Variants in ST6GALNAC3 observed in about 807,000 individuals in gnomAD.
The protein encoded by ST6GALNAC3 is alpha-N-acetylgalactosaminide alpha-2,6-sialyltransferase 3.
In ST6GALNAC3, 25 loss-of-function variants were observed where a neutral mutation model predicts 32.7. The ratio of observed to expected loss-of-function variants is 0.76; its 90% CI spans 0.56 to 1.07. The LOEUF is 1.07. Among genes scored for constraint, ST6GALNAC3 ranks in the 50% least tolerant of loss-of-function variants. ST6GALNAC3 has a pLI of 0.00. For synonymous variants in ST6GALNAC3, 129 were observed against 133.1 expected, an observed-to-expected ratio of 0.97 and a Z score of 0.21; for missense variants, 355 against 382.4, an observed-to-expected ratio of 0.93 and a Z score of 0.60.
chr1:76,144,238 C>G (rs1172267678), intron 1 of ST6GALNAC3, among the ~76,000 whole-genome samples: 2 of 152,056 alleles, frequency 1.3e-5, no homozygotes, highest in African/African-American at 4.8e-5. Context: ...GGAGAAAGGT[C>G]AAGGAGCTCG....
At chr1:76,207,295 G>A (rs186165975) in intron 1 of ST6GALNAC3, among the ~76,000 whole-genome samples, 2 of 152,190 alleles carry the variant, frequency 1.3e-5, no homozygotes, top group African/African-American at 2.4e-5. Context: ...TGCTAGGCTC[G>A]CCTGCCTGTG....
At chr1:76,188,748 C>G (rs905365532) in intron 1 of ST6GALNAC3, among the ~76,000 whole-genome samples, 5 of 152,168 alleles carry the variant, frequency 3.3e-5, no homozygotes, top group African/African-American at 4.8e-5. Context: ...AAAATGAATT[C>G]ATTATTCATT....
At chr1:76,388,592 A>G (rs1305930566) in intron 2 of ST6GALNAC3, among the ~76,000 whole-genome samples, 2 of 152,086 alleles carry the variant, frequency 1.3e-5, no homozygotes, top group Non-Finnish European at 2.9e-5. Context: ...TTTATTTGCT[A>G]TCTATTTTTT....
intron 3 of ST6GALNAC3, among the ~76,000 whole-genome samples, chr1:76,519,812 T>G (rs1216090190): frequency 2.0e-5 from 3 of 151,756 alleles, no homozygotes; most frequent in Non-Finnish European, 4.4e-5. Context: ...CCAAGGATTC[T>G]GCCCATTAAT....
chr1:76,293,313 T>A (rs1439525980), intron 1 of ST6GALNAC3, among the ~76,000 whole-genome samples: 1 of 152,236 alleles, frequency 6.6e-6, no homozygotes, highest in Non-Finnish European at 1.5e-5. Context: ...AGTACTGGCA[T>A]CAGAAAAACA....
intron 3 of ST6GALNAC3, among the ~76,000 whole-genome samples, chr1:76,551,181 C>T (rs1430325872): frequency 1.3e-5 from 2 of 152,132 alleles, no homozygotes; most frequent in Admixed American, 1.3e-4. Context: ...CACTTCTACC[C>T]TTTCTTCTTC....
chr1:76,218,485 C>T (rs1395633433), intron 1 of ST6GALNAC3, among the ~76,000 whole-genome samples: 1 of 152,186 alleles, frequency 6.6e-6, no homozygotes, highest in African/African-American at 2.4e-5. Flanking sequence ...GTGAGGATAA[C>T]TATATCTACT....
At chr1:76,574,609 G>A (rs1240138381) in intron 3 of ST6GALNAC3, among the ~76,000 whole-genome samples, 2 of 151,966 alleles carry the variant, frequency 1.3e-5, no homozygotes, top group African/African-American at 2.4e-5. Context: ...TGAAATTCAA[G>A]GGCCCATAGT....
At chr1:76,252,322 A>G (rs1440824992) in intron 1 of ST6GALNAC3, among the ~76,000 whole-genome samples, 1 of 152,156 alleles carries the variant, frequency 6.6e-6, no homozygotes, top group Non-Finnish European at 1.5e-5. Context: ...TTCAGAATCT[A>G]CTACTGTTAT....
intron 1 of ST6GALNAC3, among the ~76,000 whole-genome samples, chr1:76,191,380 A>G (rs570558636): frequency 1.3e-5 from 2 of 152,214 alleles, no homozygotes; most frequent in African/African-American, 2.4e-5. Context: ...GAGGTATGGG[A>G]GGCGAGGAGG....
At chr1:76,592,652 T>C (rs1216832829) in intron 3 of ST6GALNAC3, among the ~76,000 whole-genome samples, 8 of 152,082 alleles carry the variant, frequency 5.3e-5, no homozygotes, top group Admixed American at 5.2e-4. Flanking sequence ...ACCTCAGACT[T>C]CCTGGTCACT....
At chr1:76,335,458 C>T (rs1647387555) in intron 2 of ST6GALNAC3, among the ~76,000 whole-genome samples, 1 of 102,992 alleles carries the variant, frequency 9.7e-6, no homozygotes, top group South Asian at 2.7e-4. Flanking sequence ...CACACACACA[C>T]TCACACTCAG....
intron 1 of ST6GALNAC3, among the ~76,000 whole-genome samples, chr1:76,241,577 T>C (rs983485470): frequency 6.6e-6 from 1 of 152,100 alleles, no homozygotes; most frequent in East Asian, 1.9e-4. Context: ...TCTCCAACAC[T>C]GGAGATGAAA....
At chr1:76,156,022 A>G (rs888286410) in intron 1 of ST6GALNAC3, among the ~76,000 whole-genome samples, 2 of 152,146 alleles carry the variant, frequency 1.3e-5, no homozygotes, top group African/African-American at 4.8e-5. Flanking sequence ...CTCAGACTTT[A>G]AACTTGTTTT....
Position 76,412,215 on chromosome 1 carries a change from G to C in ST6GALNAC3, c.421G>C (p.Asp141His), listed in dbSNP as rs376599589. The C allele has an allele frequency of 5.0e-6, 8 of 1,613,582 alleles. No homozygotes were observed. In the African/African-American group the frequency reaches 1.1e-4, roughly 22 times the overall value. ...TSVPLLLKNP[D>H]YFFKEANTTI... ...CGTTCCTCTTTTGCTAAAAAACCCT[G>C]ATTATTTTTTCAAGGAAGCGAATAC... is the stretch of plus-strand genomic sequence containing the variant. Residue 141 changes from aspartate (D) to histidine (H), a missense_variant, in exon 3 of 5, where the codon GAT becomes CAT. By Grantham distance (81) the Asp-to-His change is moderately conservative. Transcript: ENST00000328299.
At chr1:76,159,024 G>A (rs895854996) in intron 1 of ST6GALNAC3, among the ~76,000 whole-genome samples, 1 of 152,126 alleles carries the variant, frequency 6.6e-6, no homozygotes, top group Admixed American at 6.5e-5. Context: ...TGGTTTCCTG[G>A]GGGTGTGATG....
chr1:76,193,179 A>G (rs1653999940), intron 1 of ST6GALNAC3, among the ~76,000 whole-genome samples: 1 of 152,178 alleles, frequency 6.6e-6, no homozygotes, highest in African/African-American at 2.4e-5. Context: ...AGGAAAAAAT[A>G]TGGCCTCTTC....
chr1:76,308,192 T>C (rs1661179901), intron 1 of ST6GALNAC3, among the ~76,000 whole-genome samples: 1 of 152,150 alleles, frequency 6.6e-6, no homozygotes, highest in Non-Finnish European at 1.5e-5. Flanking sequence ...AAAATATCTC[T>C]AGTTCTTATG....
intron 1 of ST6GALNAC3, among the ~76,000 whole-genome samples, chr1:76,174,013 T>G (rs1652690298): frequency 6.6e-6 from 1 of 152,136 alleles, no homozygotes; most frequent in African/African-American, 2.4e-5. Context: ...TATAAATCAT[T>G]CTACTACAAA....
Sources: gnomAD v4.1 joint callset for allele counts (sites outside exome capture counted in the v4.1 genomes callset) on GRCh38, gnomAD v4.1.1 for gene constraint, MANE v1.5 for transcripts, NCBI Gene and HGNC (gene_info 2026-07-23, HGNC 2026-07-21) for gene names.